The following TBCA variants were observed in gnomAD, a reference collection of about 807,000 sequenced individuals.
The protein encoded by TBCA is tubulin-specific chaperone A.
In TBCA, 6 loss-of-function variants were observed where a neutral mutation model predicts 15.8. The ratio of observed to expected loss-of-function variants is 0.38; its 90% CI spans 0.21 to 0.75. The LOEUF (loss-of-function observed/expected upper bound fraction) is 0.75. Among genes scored for constraint, TBCA ranks in the 30% least tolerant of loss-of-function variants. The pLI is 0.46. For synonymous variants in TBCA, 32 were observed against 42.3 expected, an observed-to-expected ratio of 0.76 and a Z score of 0.94; for missense variants, 90 against 131.2, an observed-to-expected ratio of 0.69 and a Z score of 1.53.
intron 1 of TBCA, among the ~76,000 whole-genome samples, chr5:77,730,912 A>G (rs1002298228): frequency 1.3e-5 from 2 of 152,190 alleles, no homozygotes; most frequent in African/African-American, 4.8e-5. Context: ...TTTAATAACA[A>G]TATAGTGTTT....
At chr5:77,693,760 T>C (rs554900965) in intron 2 of TBCA, among the ~76,000 whole-genome samples, 69 of 137,328 alleles carry the variant, frequency 5.0e-4, no homozygotes, top group African/African-American at 1.6e-3. Flanking sequence ...GATTGCACCA[T>C]TGCACTCTGG....
At chr5:77,770,869 C>T (rs1239077710) in intron 1 of TBCA, among the ~76,000 whole-genome samples, 8 of 152,212 alleles carry the variant, frequency 5.3e-5, no homozygotes, top group African/African-American at 1.9e-4. Context: ...GGCATAGTGG[C>T]TCACGCCTAT....
In TBCA at chr5:77,714,788, A is replaced by G. The variant is rs557638260; in HGVS notation, c.54-6441T>C. Among the ~76,000 whole-genome samples the G allele has an allele frequency of 1.2e-4, 18 of 152,092 alleles. 1 individual carries two copies. Among genetic ancestry groups the G allele is most frequent in the Admixed American group, 9.8e-4 (15 of 15,276 alleles). On this transcript the variant is annotated intron_variant, in intron 1 of 3. Transcript: ENST00000380377. ...TCACCGTGTTAGCCAGGATGGTCTC[A>G]ATCTCCTGACCTTGTGATCCGCCCA...
intron 1 of TBCA, among the ~76,000 whole-genome samples, chr5:77,736,331 G>A (rs575823273): frequency 3.7e-5 from 4 of 109,316 alleles, no homozygotes; most frequent in African/African-American, 1.5e-4. Context: ...GCGAGACTCC[G>A]TCTCAAAAAA....
intron 1 of TBCA, among the ~76,000 whole-genome samples, chr5:77,743,248 C>A (rs1747092111): frequency 1.3e-5 from 2 of 152,148 alleles, no homozygotes. Context: ...GACTAAGATA[C>A]CTAAATTCTA....
Position 77,693,369 on chromosome 5 carries a change from T to C in TBCA, c.160-17A>G, listed in dbSNP as rs781246666. ...GATCTCTGCCTAGAATGAGAATCTC[T>C]GTGAGACGTTCAAAGATGGCAGAAC... is the stretch of plus-strand genomic sequence containing the variant. On this transcript the variant is annotated splice_polypyrimidine_tract_variant and intron_variant, in intron 2 of 3. Coordinates refer to ENST00000380377, the MANE Select transcript of TBCA (RefSeq NM_004607.3). 1.2e-5 allele frequency: 20 copies of C among 1,603,326 alleles called. No individual in the cohort carries two copies. Among genetic ancestry groups the C allele is most frequent in the Non-Finnish European group, 1.6e-5 (19 of 1,176,594 alleles).
chr5:77,705,943 C>T (rs1301078234), intron 2 of TBCA, among the ~76,000 whole-genome samples: 1 of 152,138 alleles, frequency 6.6e-6, no homozygotes, highest in Non-Finnish European at 1.5e-5. Context: ...CTTTTATACA[C>T]ACAGTGCTGT....
chr5:77,732,469 T>C (rs916700283), intron 1 of TBCA, among the ~76,000 whole-genome samples: 2 of 144,166 alleles, frequency 1.4e-5, no homozygotes, highest in East Asian at 2.1e-4. Flanking sequence ...GAGAAAGGCA[T>C]GGACCCGGGA....
At chr5:77,720,352 G>A (rs796762543) in intron 1 of TBCA, among the ~76,000 whole-genome samples, 15 of 152,194 alleles carry the variant, frequency 9.9e-5, no homozygotes, top group African/African-American at 3.6e-4. Context: ...AACATCATGG[G>A]GAAAATAGCT....
At chr5:77,692,403 A>C in intron 3 of TBCA, 1 of 980,382 alleles carries the variant, frequency 1.0e-6, no homozygotes, top group Non-Finnish European at 1.2e-6. Flanking sequence ...ATTGTTGAAT[A>C]CATCTTCACA....
At chr5:77,768,263 G>A (rs1179040467) in intron 1 of TBCA, among the ~76,000 whole-genome samples, 1 of 152,062 alleles carries the variant, frequency 6.6e-6, no homozygotes, top group Non-Finnish European at 1.5e-5. Flanking sequence ...TACATATCAG[G>A]CATTTGGGCT....
At chr5:77,731,994 A>C (rs1240506208) in intron 1 of TBCA, among the ~76,000 whole-genome samples, 1 of 152,154 alleles carries the variant, frequency 6.6e-6, no homozygotes, top group Non-Finnish European at 1.5e-5. Flanking sequence ...CCCGGTCTCC[A>C]CAGCCTGGGT....
At chr5:77,759,297 T>G (rs1326789158) in intron 1 of TBCA, among the ~76,000 whole-genome samples, 1 of 152,214 alleles carries the variant, frequency 6.6e-6, no homozygotes, top group Non-Finnish European at 1.5e-5. Flanking sequence ...TAAGGAGTTG[T>G]GGAGATCAAG....
Position 77,776,194 on chromosome 5 carries a change from C to T in TBCA, c.53+11G>A. ...AAGAGGAGGTGCAGGGCGCCGCTCCCGGCTCCTTACCGCTTCACCACGCCG... is the reference window on the plus strand; with the variant it reads ...AAGAGGAGGTGCAGGGCGCCGCTCCTGGCTCCTTACCGCTTCACCACGCCG... On this transcript the variant is annotated intron_variant, in intron 1 of 3. Coordinates refer to ENST00000380377, the MANE Select transcript of TBCA (RefSeq NM_004607.3). 1 of 1,559,958 alleles carries T rather than the reference C, an allele frequency of 6.4e-7. No homozygotes were observed. Among genetic ancestry groups the T allele is most frequent in the Non-Finnish European group, 8.7e-7 (1 of 1,152,946 alleles).
chr5:77,717,919 C>A (rs546090139), intron 1 of TBCA, among the ~76,000 whole-genome samples: 2 of 152,000 alleles, frequency 1.3e-5, no homozygotes, highest in Non-Finnish European at 2.9e-5. Flanking sequence ...CACCTGAGGT[C>A]GGGAGTTCCA....
chr5:77,725,657 G>A (rs1746616712), intron 1 of TBCA, among the ~76,000 whole-genome samples: 1 of 152,130 alleles, frequency 6.6e-6, no homozygotes, highest in African/African-American at 2.4e-5. Context: ...GTTACATTAT[G>A]GGGCCGTTCC....
chr5:77,776,102 C>T lies in TBCA; in HGVS notation c.53+103G>A, dbSNP rs566418794. 3.6e-3 allele frequency: 5,125 copies of T among 1,442,112 alleles called. 11 individuals are homozygous for T. The highest frequency in any genetic ancestry group is 4.1e-3 in the Non-Finnish European group (4,388 of 1,058,260). 89.3% of individuals were successfully genotyped at this position (1,442,112 alleles called of 1,614,324 possible). On this transcript the variant is annotated intron_variant, in intron 1 of 3. Transcript: ENST00000380377. ...GGAGCCCCGGGTGCGGCCTGGAGTT[C>T]GGAGCCCGCCTCGGGCCTCCTCGGG...
chr5:77,702,828 A>G (rs538027488), intron 2 of TBCA, among the ~76,000 whole-genome samples: 6 of 152,378 alleles, frequency 3.9e-5, no homozygotes, highest in Admixed American at 1.3e-4. Flanking sequence ...ATTACCTTCT[A>G]TAAGCCTGCA....
At chr5:77,774,291 T>C (rs1747973804) in intron 1 of TBCA, among the ~76,000 whole-genome samples, 1 of 152,242 alleles carries the variant, frequency 6.6e-6, no homozygotes, top group Non-Finnish European at 1.5e-5. Context: ...CAAAGATGTC[T>C]CTTAAGGGGA....
Sources: gnomAD v4.1 joint callset for allele counts (sites outside exome capture counted in the v4.1 genomes callset) on GRCh38, gnomAD v4.1.1 for gene constraint, MANE v1.5 for transcripts, NCBI Gene and HGNC (gene_info 2026-07-23, HGNC 2026-07-21) for gene names.